Variants in PCDH15 observed in about 807,000 individuals in gnomAD.
PCDH15 encodes protocadherin related 15, also known as protocadherin-15.
PCDH15 carries 129 observed loss-of-function variants against 178.5 expected under a neutral mutation model. The ratio of observed to expected loss-of-function variants is 0.72; its 90% CI spans 0.63 to 0.84. The LOEUF is 0.84. Among genes scored for constraint, PCDH15 ranks in the 40% least tolerant of loss-of-function variants. PCDH15 has a pLI of 0.00. For missense variants in PCDH15, 2,230 were observed against 2,099.9 expected (o/e 1.06, Z -1.21); for synonymous variants, 800 against 732.0 (o/e 1.09, Z -1.50).
At chr10:54,432,333 G>T (rs1045151164) in intron 3 of PCDH15, among the ~76,000 whole-genome samples, 2 of 151,870 alleles carry the variant, frequency 1.3e-5, no homozygotes, top group African/African-American at 4.8e-5. Context: ...AAATTACACT[G>T]CAGTGCTACA....
intron 32 of PCDH15, among the ~76,000 whole-genome samples, chr10:53,826,718 A>C (rs2076704089): frequency 6.6e-6 from 1 of 152,138 alleles, no homozygotes; most frequent in Admixed American, 6.5e-5. Context: ...TCAAAAATGT[A>C]TGATTTTTTA....
intron 2 of PCDH15, among the ~76,000 whole-genome samples, chr10:55,446,138 G>A (rs953372956): frequency 3.0e-4 from 45 of 151,946 alleles, no homozygotes; most frequent in African/African-American, 9.9e-4. Context: ...TCTTAAAAAT[G>A]AATGAACTAA....
intron 2 of PCDH15, among the ~76,000 whole-genome samples, chr10:55,022,939 T>C (rs1323782010): frequency 6.6e-6 from 1 of 151,142 alleles, no homozygotes; most frequent in Non-Finnish European, 1.5e-5. Context: ...TTATTGTATT[T>C]ATTTATATAC....
chr10:55,159,701 T>C (rs1839009525), intron 2 of PCDH15, among the ~76,000 whole-genome samples: 1 of 147,860 alleles, frequency 6.8e-6, no homozygotes, highest in East Asian at 1.9e-4. Flanking sequence ...TCTTAAGATA[T>C]ATCTATATTA....
At chr10:54,673,637 C>G (rs1445959331) in intron 1 of PCDH15, among the ~76,000 whole-genome samples, 2 of 152,076 alleles carry the variant, frequency 1.3e-5, no homozygotes, top group African/African-American at 2.4e-5. Context: ...AGGGTTTCTC[C>G]GTGTTGGTCA....
chr10:54,784,645 A>G (rs1320656589), intron 1 of PCDH15, among the ~76,000 whole-genome samples: 1 of 150,212 alleles, frequency 6.7e-6, no homozygotes, highest in Non-Finnish European at 1.5e-5. Flanking sequence ...ATGATATCTA[A>G]CATCATGAAA....
intron 23 of PCDH15, among the ~76,000 whole-genome samples, chr10:53,945,846 T>C (rs1470067486): frequency 0.14 from 2,774 of 19,856 alleles, 52 homozygotes; most frequent in East Asian, 0.43. Context: ...TGTATATATA[T>C]ATATATATAT....
intron 3 of PCDH15, among the ~76,000 whole-genome samples, chr10:54,832,542 C>G (rs183084143): frequency 6.6e-6 from 1 of 152,176 alleles, no homozygotes; most frequent in Non-Finnish European, 1.5e-5. Context: ...ACGTGCATAC[C>G]ATAGTGAAGA....
intron 25 of PCDH15, among the ~76,000 whole-genome samples, chr10:53,920,102 A>G (rs936025675): frequency 4.6e-5 from 7 of 152,176 alleles, no homozygotes; most frequent in African/African-American, 1.7e-4. Flanking sequence ...CAGTATGGAT[A>G]CAAGATGAGA....
chr10:54,738,429 AG>A (rs1458256828), intron 1 of PCDH15, among the ~76,000 whole-genome samples: 1 of 152,072 alleles, frequency 6.6e-6, no homozygotes, highest in Non-Finnish European at 1.5e-5. Context: ...GGTGGTTAAA[AG>A]GTTTTATTTA....
intron 14 of PCDH15, among the ~76,000 whole-genome samples, chr10:54,136,398 A>T (rs12259484): frequency 0.017 from 2,424 of 145,758 alleles, 78 homozygotes; most frequent in African/African-American, 0.058. Flanking sequence ...ACTGTTTAAC[A>T]TTTTTTTTTT....
At position 54,063,343 on chromosome 10, in the gene PCDH15, CCAACTTCTCT is replaced by C. The variant is rs2094070046; in HGVS notation, c.2220+3404_2220+3413del. On this transcript the variant is annotated intron_variant, in intron 18 of 37. Transcript: ENST00000644397. ...TACAACTAACTTTCCCTAACAGATT[CCAACTTCTCT>C]CAACTTCTCTCTTACCTGTGTTCTT... 3.9e-5 allele frequency among the ~76,000 whole-genome samples: 6 copies of C among 152,296 alleles called. No individual in the cohort carries two copies. In the South Asian group the frequency reaches 1.2e-3, roughly 32 times the overall value.
At chr10:54,183,683 A>C in intron 12 of PCDH15, 90 bp from the exon 13 acceptor site, 2 of 1,471,232 alleles carry the variant, frequency 1.4e-6, no homozygotes, top group Non-Finnish European at 1.9e-6. Context: ...AGTTTCTTAC[A>C]GGTAATCTTA....
intron 8 of PCDH15, among the ~76,000 whole-genome samples, chr10:54,297,559 A>G (rs1300713084): frequency 6.6e-6 from 1 of 152,166 alleles, no homozygotes; most frequent in Non-Finnish European, 1.5e-5. Context: ...TAGCCTCCCT[A>G]TAGCTCCCCT....
At chr10:54,267,391 C>A (rs1483941610) in intron 8 of PCDH15, among the ~76,000 whole-genome samples, 2 of 151,814 alleles carry the variant, frequency 1.3e-5, no homozygotes, top group African/African-American at 4.8e-5. Flanking sequence ...TTTTACCACT[C>A]TTATTCAACT....
chr10:54,924,751 A>G (rs1270617966), intron 2 of PCDH15, among the ~76,000 whole-genome samples: 5 of 152,068 alleles, frequency 3.3e-5, no homozygotes. Context: ...CTTCTTTTAA[A>G]AAGTGTCTGT....
intron 2 of PCDH15, among the ~76,000 whole-genome samples, chr10:54,642,084 G>A (rs755643134): frequency 2.0e-5 from 3 of 151,432 alleles, no homozygotes; most frequent in Non-Finnish European, 4.4e-5. Context: ...GATGGTATAA[G>A]GAGGTGGGCT....
intron 13 of PCDH15, among the ~76,000 whole-genome samples, chr10:54,181,936 C>T (rs1291629661): frequency 6.6e-6 from 1 of 151,722 alleles, no homozygotes; most frequent in Admixed American, 6.6e-5. Context: ...TTTTTTCTTT[C>T]ACATTTTGCT....
chr10:54,548,699 G>T (rs1409058872), intron 2 of PCDH15, among the ~76,000 whole-genome samples: 3 of 148,448 alleles, frequency 2.0e-5, no homozygotes, highest in Admixed American at 6.8e-5. Context: ...ACATTGCTTG[G>T]TTCAATTTGT....
Sources: allele counts gnomAD v4.1 joint callset (sites outside exome capture counted in the v4.1 genomes callset), GRCh38; gene constraint gnomAD v4.1.1; transcripts MANE v1.5; gene names NCBI Gene and HGNC (gene_info 2026-07-23, HGNC 2026-07-21).